Variants in TAS2R1 observed in about 807,000 individuals in gnomAD.
The protein encoded by TAS2R1 is taste 2 receptor member 1, also known as taste receptor type 2 member 1.
For synonymous variants in TAS2R1, 141 were observed against 134.2 expected (o/e 1.05, Z -0.35); for missense variants, 370 against 353.4 (o/e 1.05, Z -0.38).
At chr5:9,810,820 C>G in the TAS2R1 span, among the ~76,000 whole-genome samples, 4 of 152,122 alleles carry the variant, frequency 2.6e-5, no homozygotes, top group Non-Finnish European at 5.9e-5. Context: ...CTGACAATCA[C>G]CCAGTCTTCT....
At chr5:9,811,164 G>A in the TAS2R1 span, among the ~76,000 whole-genome samples, 1 of 152,258 alleles carries the variant, frequency 6.6e-6, no homozygotes, top group Non-Finnish European at 1.5e-5. Flanking sequence ...GCCCCAGAGA[G>A]CTGCCCAGAC....
At chr5:9,823,019 C>CAAAAAAAAAAAAAAAAAAAAAAAAAAAAA in the TAS2R1 span, among the ~76,000 whole-genome samples, 1 of 114,428 alleles carries the variant, frequency 8.7e-6, no homozygotes, top group Admixed American at 9.3e-5. Flanking sequence ...TCCTCTCCAC[C>CAAAAAAAAAAAAAAAAAAAAAAAAAAAAA]AAAAAAAAAA....
chr5:9,633,662 C>T (rs186382177), upstream of TAS2R1, among the ~76,000 whole-genome samples: 204 of 152,060 alleles, frequency 1.3e-3, no homozygotes, highest in Non-Finnish European at 2.3e-3. Flanking sequence ...AAAGTGGTAT[C>T]TCATAGTGGT....
At chr5:9,822,693 T>C in the TAS2R1 span, among the ~76,000 whole-genome samples, 1 of 152,162 alleles carries the variant, frequency 6.6e-6, no homozygotes, top group African/African-American at 2.4e-5. Flanking sequence ...ATGTTATATG[T>C]ACATATGTCC....
At chr5:9,678,075 A>T (rs1029662792) in intron 1 of TAS2R1, among the ~76,000 whole-genome samples, 2 of 152,186 alleles carry the variant, frequency 1.3e-5, no homozygotes. Context: ...AGGAACTTAA[A>T]CATATTTACA....
At chr5:9,816,548 A>G in the TAS2R1 span, among the ~76,000 whole-genome samples, 9 of 151,964 alleles carry the variant, frequency 5.9e-5, no homozygotes, top group Admixed American at 5.9e-4. Flanking sequence ...TTTTCTGCAG[A>G]CATTTCTCAG....
chr5:9,776,856 A>T, the TAS2R1 span, among the ~76,000 whole-genome samples: 6 of 152,318 alleles, frequency 3.9e-5, no homozygotes, highest in East Asian at 1.2e-3. Flanking sequence ...CAATAAAACA[A>T]ATGTCCCAAT....
the TAS2R1 span, among the ~76,000 whole-genome samples, chr5:9,881,278 A>G: frequency 6.6e-6 from 1 of 152,102 alleles, no homozygotes; most frequent in Non-Finnish European, 1.5e-5. Context: ...TAAAATACCT[A>G]GGAACACAGG....
chr5:9,752,298 A>G, the TAS2R1 span, among the ~76,000 whole-genome samples: 3 of 152,186 alleles, frequency 2.0e-5, no homozygotes, highest in African/African-American at 7.2e-5. Flanking sequence ...TTGTCAGCCA[A>G]TGTTAGCTTT....
chr5:9,655,558 T>C (rs777495549), intron 2 of TAS2R1, among the ~76,000 whole-genome samples: 2 of 151,976 alleles, frequency 1.3e-5, no homozygotes, highest in Non-Finnish European at 2.9e-5. Flanking sequence ...AATAGGCAAT[T>C]TGTGAAAGAA....
the TAS2R1 span, among the ~76,000 whole-genome samples, chr5:9,753,150 T>C: frequency 6.6e-6 from 1 of 152,198 alleles, no homozygotes; most frequent in Non-Finnish European, 1.5e-5. Flanking sequence ...GTTGAACTAG[T>C]TTATAGTCCC....
upstream of TAS2R1, among the ~76,000 whole-genome samples, chr5:9,633,289 G>T (rs2521559): frequency 1.6e-4 from 10 of 61,546 alleles, no homozygotes; most frequent in East Asian, 1.2e-3. Flanking sequence ...GTGTGTGTGT[G>T]TATATTATAT....
the TAS2R1 span, among the ~76,000 whole-genome samples, chr5:9,775,683 T>C: frequency 6.6e-6 from 1 of 152,022 alleles, no homozygotes; most frequent in Non-Finnish European, 1.5e-5. Context: ...GGTTCTTCCC[T>C]TCAAGGCAGT....
At chr5:9,638,342 A>G (rs1204463914) in intron 2 of TAS2R1, among the ~76,000 whole-genome samples, 1 of 152,190 alleles carries the variant, frequency 6.6e-6, no homozygotes, top group Non-Finnish European at 1.5e-5. Flanking sequence ...AGGGAAGTGA[A>G]GTAGACTCTG....
At chr5:9,693,524 C>CA (rs35262775) in intron 1 of TAS2R1, among the ~76,000 whole-genome samples, 3,947 of 32,640 alleles carry the variant, frequency 0.12, 251 homozygotes, top group Middle Eastern at 0.24. Flanking sequence ...AACTCCATCT[C>CA]AAAAAAAAAA....
chr5:9,768,137 C>T, the TAS2R1 span, among the ~76,000 whole-genome samples: 8 of 152,104 alleles, frequency 5.3e-5, no homozygotes. Flanking sequence ...ACGTTCCCCA[C>T]ACATGCCAAC....
At chr5:9,748,564 T>G in the TAS2R1 span, among the ~76,000 whole-genome samples, 1 of 151,922 alleles carries the variant, frequency 6.6e-6, no homozygotes, top group African/African-American at 2.4e-5. Flanking sequence ...TGGTGGAAGG[T>G]GGAAGGGGAG....
chr5:9,675,122 ATC>A (rs1740847530), intron 1 of TAS2R1, among the ~76,000 whole-genome samples: 1 of 144,164 alleles, frequency 6.9e-6, no homozygotes, highest in Admixed American at 7.1e-5. Flanking sequence ...ATATATATAT[ATC>A]TAATATATAT....
chr5:9,902,248 A>G, the TAS2R1 span, among the ~76,000 whole-genome samples: 1 of 152,098 alleles, frequency 6.6e-6, no homozygotes, highest in African/African-American at 2.4e-5. Flanking sequence ...ATTTAACAGT[A>G]TGCTATTGAG....
Sources: gnomAD v4.1 joint callset for allele counts (sites outside exome capture counted in the v4.1 genomes callset) on GRCh38, gnomAD v4.1.1 for gene constraint, MANE v1.5 for transcripts, NCBI Gene and HGNC (gene_info 2026-07-23, HGNC 2026-07-21) for gene names.